AUTS2: variants seen among roughly 807,000 people sequenced by gnomAD.
AUTS2 encodes the protein activator of transcription and developmental regulator AUTS2.
A neutral mutation model predicts 112.4 loss-of-function variants in AUTS2; 17 were observed. The observed-to-expected ratio is 0.15, with a 90% CI of 0.10 to 0.23. The LOEUF (loss-of-function observed/expected upper bound fraction) is 0.23, where lower values mean the gene tolerates loss of function less well. AUTS2 is among the 10% of genes least tolerant of loss of function. AUTS2 has a pLI of 1.00. For synonymous variants in AUTS2, 751 were observed against 702.7 expected (o/e 1.07, Z -1.09); for missense variants, 1,510 against 1,701.6 (o/e 0.89, Z 1.98).
At chr7:70,382,119 C>T (rs896362997) in intron 4 of AUTS2, among the ~76,000 whole-genome samples, 22 of 152,206 alleles carry the variant, frequency 1.4e-4, no homozygotes, top group Non-Finnish European at 8.8e-5. Flanking sequence ...GTGTCTCAAG[C>T]TCAACGTGTC....
intron 5 of AUTS2, among the ~76,000 whole-genome samples, chr7:70,471,827 G>A (rs1398693786): frequency 6.6e-6 from 1 of 152,120 alleles, no homozygotes. Context: ...GGTGGGGTCA[G>A]CGGGTGGGGA....
chr7:69,997,400 T>C (rs958575004), intron 2 of AUTS2, among the ~76,000 whole-genome samples: 5 of 152,194 alleles, frequency 3.3e-5, no homozygotes, highest in African/African-American at 7.2e-5. Context: ...CATCTCAATA[T>C]GCCTTGGAAC....
chr7:70,040,466 G>A (rs1801197199), intron 2 of AUTS2, among the ~76,000 whole-genome samples: 1 of 152,172 alleles, frequency 6.6e-6, no homozygotes, highest in Admixed American at 6.5e-5. Flanking sequence ...GATACAGTTT[G>A]CTTTACTGAA....
intron 3 of AUTS2, 97 bp from the exon 4 acceptor site, chr7:70,134,439 T>A (rs1329064371): frequency 2.0e-6 from 2 of 997,668 alleles, no homozygotes; most frequent in East Asian, 2.4e-5. Context: ...GATGTGGTGA[T>A]GAAAAGCCTG....
At chr7:69,904,914 A>G (rs1795095768) in intron 2 of AUTS2, among the ~76,000 whole-genome samples, 1 of 152,200 alleles carries the variant, frequency 6.6e-6, no homozygotes, top group Non-Finnish European at 1.5e-5. Context: ...GTGAGATGCT[A>G]GTTTTAACAT....
At chr7:69,906,652 C>A (rs1009185634) in intron 2 of AUTS2, among the ~76,000 whole-genome samples, 1 of 152,170 alleles carries the variant, frequency 6.6e-6, no homozygotes, top group Non-Finnish European at 1.5e-5. Context: ...CAGACGCAGG[C>A]AATTCTGTGT....
At chr7:69,771,556 A>C (rs1469409297) in intron 1 of AUTS2, among the ~76,000 whole-genome samples, 1 of 152,178 alleles carries the variant, frequency 6.6e-6, no homozygotes, top group African/African-American at 2.4e-5. Flanking sequence ...TGTTGGTAGC[A>C]CGGAAGATGC....
At chr7:70,536,457 T>C (rs551905987) in intron 5 of AUTS2, among the ~76,000 whole-genome samples, 1 of 152,054 alleles carries the variant, frequency 6.6e-6, no homozygotes, top group South Asian at 2.1e-4. Flanking sequence ...GCCTTTCTCA[T>C]TGGTCCTCAC....
intron 5 of AUTS2, among the ~76,000 whole-genome samples, chr7:70,517,280 C>T (rs1799454360): frequency 6.6e-6 from 1 of 152,296 alleles, no homozygotes; most frequent in Non-Finnish European, 1.5e-5. Flanking sequence ...TCTTAGACAA[C>T]TGATTGACTT....
At chr7:69,901,397 A>G (rs1231277216) in intron 2 of AUTS2, among the ~76,000 whole-genome samples, 6 of 151,872 alleles carry the variant, frequency 4.0e-5, no homozygotes, top group South Asian at 2.1e-4. Context: ...TGACTTTTCT[A>G]TTCTGTGTCC....
At chr7:70,396,947 A>G (rs1794112223) in intron 4 of AUTS2, among the ~76,000 whole-genome samples, 1 of 152,176 alleles carries the variant, frequency 6.6e-6, no homozygotes, top group African/African-American at 2.4e-5. Flanking sequence ...CAAAAATGTC[A>G]AACTGTTTTC....
At chr7:69,603,005 CT>C (rs1792516638) in intron 1 of AUTS2, among the ~76,000 whole-genome samples, 1 of 152,128 alleles carries the variant, frequency 6.6e-6, no homozygotes, top group Admixed American at 6.5e-5. Flanking sequence ...AAACTATGAG[CT>C]TGGACAAAAA....
intron 1 of AUTS2, among the ~76,000 whole-genome samples, chr7:69,884,325 A>T (rs578159830): frequency 6.6e-6 from 1 of 152,360 alleles, no homozygotes; most frequent in Admixed American, 6.5e-5. Context: ...TATGTGCCTT[A>T]TGTTTTTATA....
chr7:70,381,622 C>T (rs1328612439), intron 4 of AUTS2, among the ~76,000 whole-genome samples: 2 of 152,052 alleles, frequency 1.3e-5, no homozygotes, highest in African/African-American at 4.8e-5. Flanking sequence ...TAAATGGAGC[C>T]TCTATGATCA....
chr7:69,778,829 A>C (rs1789012749), intron 1 of AUTS2, among the ~76,000 whole-genome samples: 1 of 152,128 alleles, frequency 6.6e-6, no homozygotes, highest in African/African-American at 2.4e-5. Flanking sequence ...ATAAGCATTC[A>C]CTGACCACAT....
intron 1 of AUTS2, among the ~76,000 whole-genome samples, chr7:69,737,614 C>T (rs1170909852): frequency 6.6e-6 from 1 of 152,122 alleles, no homozygotes; most frequent in Non-Finnish European, 1.5e-5. Flanking sequence ...CCAGTCTGCT[C>T]CTGGGAGGAG....
At chr7:70,055,349 G>T (rs917289640) in intron 2 of AUTS2, among the ~76,000 whole-genome samples, 6 of 152,124 alleles carry the variant, frequency 3.9e-5, no homozygotes, top group East Asian at 1.9e-4. Context: ...CAGGAGAAGC[G>T]CTTGAACCCA....
chr7:69,996,611 T>C (rs994161058), intron 2 of AUTS2, among the ~76,000 whole-genome samples: 1 of 152,186 alleles, frequency 6.6e-6, no homozygotes, highest in Non-Finnish European at 1.5e-5. Flanking sequence ...ATTTTCTCCT[T>C]ATCTTCTTAC....
intron 6 of AUTS2, among the ~76,000 whole-genome samples, chr7:70,728,179 T>A: frequency 6.6e-6 from 1 of 152,122 alleles, no homozygotes. Flanking sequence ...AATAAAAAAA[T>A]TGTTTGCTTT....
Sources: allele counts gnomAD v4.1 joint callset (sites outside exome capture counted in the v4.1 genomes callset), GRCh38; gene constraint gnomAD v4.1.1; transcripts MANE v1.5; gene names NCBI Gene and HGNC (gene_info 2026-07-23, HGNC 2026-07-21).